Variants in HBP1 observed in about 807,000 individuals in gnomAD.
HBP1 encodes the protein HMG box-containing protein 1.
In HBP1, 20 loss-of-function variants were observed where a neutral mutation model predicts 62.6. That is an observed-to-expected ratio of 0.32 (90% CI 0.22 to 0.46). HBP1 has a LOEUF of 0.46. Ranked by LOEUF, HBP1 falls within the 20% of genes least tolerant of loss-of-function variation. HBP1 has a pLI of 1.00. For synonymous variants in HBP1, 232 were observed against 206.2 expected (o/e 1.12, Z -1.07); for missense variants, 480 against 611.8 (o/e 0.78, Z 2.27).
Position 107,202,423 on chromosome 7 carries a change from T to C in HBP1, c.*992T>C, listed in dbSNP as rs913312889. ...CTGGTTAGGAATCACAGCTGTAAAA[T>C]TGATTTCAGTTCATCACACTTCTTC... On this transcript the variant is annotated 3_prime_UTR_variant, in exon 11 of 11. Coordinates refer to ENST00000222574, the MANE Select transcript of HBP1 (RefSeq NM_012257.4). 3.3e-5 allele frequency: 5 copies of C among 152,650 alleles called. No homozygotes were observed. The highest frequency in any genetic ancestry group is 2.1e-4 in the South Asian group (1 of 4,832). 9.5% of individuals were successfully genotyped at this position (152,650 alleles called of 1,614,324 possible).
At chr7:107,199,035 A>C (rs1479393887) in intron 9 of HBP1, among the ~76,000 whole-genome samples, 3 of 152,136 alleles carry the variant, frequency 2.0e-5, no homozygotes, top group Non-Finnish European at 4.4e-5. Context: ...CCCAAGACTA[A>C]AAGTTTTTTT....
At chr7:107,170,143 T>G in intron 1 of HBP1, 2 of 984,966 alleles carry the variant, frequency 2.0e-6, no homozygotes, top group Non-Finnish European at 2.4e-6. Context: ...AATACTCAAG[T>G]TTTCTGTTTG....
intron 10 of HBP1, 78 bp downstream of exon 10, chr7:107,200,379 C>T: frequency 8.0e-7 from 1 of 1,244,294 alleles, no homozygotes; most frequent in Non-Finnish European, 1.1e-6. Context: ...GCAGTTGTTA[C>T]AACCTTTAAG....
At chr7:107,187,839 T>C (rs1461549582) in intron 6 of HBP1, among the ~76,000 whole-genome samples, 2 of 152,228 alleles carry the variant, frequency 1.3e-5, no homozygotes, top group African/African-American at 4.8e-5. Context: ...AGCATCCTGA[T>C]TCTCAGTCTT....
chr7:107,180,856 T>C (rs1797071057), intron 2 of HBP1, among the ~76,000 whole-genome samples: 1 of 152,176 alleles, frequency 6.6e-6, no homozygotes, highest in African/African-American at 2.4e-5. Flanking sequence ...GGAGTGCCAT[T>C]TTAATCAGGT....
chr7:107,189,473 T>C lies in HBP1; in HGVS notation c.922+25T>C, dbSNP rs750654607. 1.9e-5 allele frequency: 29 copies of C among 1,549,538 alleles called. No individual in the cohort carries two copies. The South Asian group carries it at 3.3e-4, about 18-fold the overall frequency. On this transcript the variant is annotated intron_variant, in intron 7 of 10. Coordinates refer to ENST00000222574, the MANE Select transcript of HBP1 (RefSeq NM_012257.4). ...GGTAGGGCTTGAATTGCATTTGTAG[T>C]AACTTTTTTTAAACAAAGCTTCTTA...
rs1796414222 is a variant in HBP1 at position 107,169,080 on chromosome 7, C to G, written c.-121C>G. On this transcript the variant is annotated 5_prime_UTR_variant, in exon 1 of 11. Coordinates refer to ENST00000222574, the MANE Select transcript of HBP1 (RefSeq NM_012257.4). Reference sequence around the variant, plus strand: ...TAAGAGCTGCCGCGGGAGCAGTAACCCGCGCGGGGGAGGCCGACGTCGGTC... The same window carrying G: ...TAAGAGCTGCCGCGGGAGCAGTAACGCGCGCGGGGGAGGCCGACGTCGGTC... The G allele has an allele frequency of 4.7e-6, 6 of 1,286,892 alleles. No individual in the cohort carries two copies. The highest frequency in any genetic ancestry group is 1.5e-5 in the African/African-American group (1 of 65,768). The allele number at this position is 1,286,892 out of a possible 1,614,324, so 79.7% of individuals were successfully genotyped here. A position where few individuals can be genotyped will look rare whatever the true frequency, so the allele number is the denominator to read the frequency against.
intron 8 of HBP1, among the ~76,000 whole-genome samples, chr7:107,191,757 T>C (rs1233810922): frequency 6.6e-6 from 1 of 152,198 alleles, no homozygotes; most frequent in Non-Finnish European, 1.5e-5. Flanking sequence ...GAGTCTATTT[T>C]ATGGAATCAT....
chr7:107,191,787 A>G (rs1175558379), intron 8 of HBP1, among the ~76,000 whole-genome samples: 1 of 152,222 alleles, frequency 6.6e-6, no homozygotes, highest in Non-Finnish European at 1.5e-5. Context: ...AAATAAATAA[A>G]ATAACCCTTA....
intron 4 of HBP1, among the ~76,000 whole-genome samples, chr7:107,186,147 C>CTTTTTTTT (rs961142033): frequency 3.0e-5 from 4 of 135,146 alleles, no homozygotes; most frequent in African/African-American, 1.1e-4. Flanking sequence ...TTGTGTGTGT[C>CTTTTTTTT]TTTTTTTTCT....
chr7:107,172,102 A>G (rs920047853), intron 1 of HBP1, among the ~76,000 whole-genome samples: 1 of 151,950 alleles, frequency 6.6e-6, no homozygotes, highest in Non-Finnish European at 1.5e-5. Flanking sequence ...GGTGCTTCAT[A>G]ATTTCTACTA....
chr7:107,195,529 G>A (rs1395632365), intron 8 of HBP1, among the ~76,000 whole-genome samples: 1 of 152,188 alleles, frequency 6.6e-6, no homozygotes, highest in Non-Finnish European at 1.5e-5. Context: ...ATTTGGAGGA[G>A]TTACTTGCTA....
chr7:107,195,556 A>C (rs1797857105), intron 8 of HBP1, among the ~76,000 whole-genome samples: 3 of 152,190 alleles, frequency 2.0e-5, no homozygotes, highest in African/African-American at 7.2e-5. Context: ...AAGTATGCTG[A>C]TTATAACATT....
intron 6 of HBP1, among the ~76,000 whole-genome samples, chr7:107,188,602 G>A (rs1436188532): frequency 6.6e-6 from 1 of 152,152 alleles, no homozygotes; most frequent in Non-Finnish European, 1.5e-5. Flanking sequence ...TGTGGCATGT[G>A]TTAAATGCTC....
intron 2 of HBP1, among the ~76,000 whole-genome samples, 163 bp from the exon 3 acceptor site, chr7:107,182,210 C>G (rs1221815925): frequency 6.6e-6 from 1 of 152,136 alleles, no homozygotes; most frequent in African/African-American, 2.4e-5. Context: ...AAACACAAAC[C>G]AAACCATGTT....
chr7:107,190,352 C>T (rs1226331958), intron 8 of HBP1, 35 bp downstream of exon 8: 3 of 1,503,166 alleles, frequency 2.0e-6, no homozygotes, highest in Admixed American at 3.6e-5. Context: ...TTATTTTCCT[C>T]TTAAAGTTTG....
intron 2 of HBP1, among the ~76,000 whole-genome samples, chr7:107,180,883 T>G (rs1274382859): frequency 6.6e-6 from 1 of 152,086 alleles, no homozygotes; most frequent in Non-Finnish European, 1.5e-5. Context: ...TCTTCCTCAG[T>G]TTTTGGTTTA....
At chr7:107,196,356 C>T (rs1157679663) in intron 9 of HBP1, 1 of 576,928 alleles carries the variant, frequency 1.7e-6, no homozygotes, top group Non-Finnish European at 3.2e-6. Flanking sequence ...GCAACCTCCG[C>T]CTTCCAGGTT....
In HBP1 at chr7:107,189,303, T is replaced by C; in HGVS notation, c.777T>C (p.Ser259=). 1 of 1,612,584 alleles carries C rather than the reference T, an allele frequency of 6.2e-7. No homozygotes were observed. The highest frequency in any genetic ancestry group is 2.2e-5 in the East Asian group (1 of 44,814). The change falls in exon 7 of 11, where the codon TCT becomes TCC. Residue 259 remains serine (S), a synonymous_variant. Coordinates refer to ENST00000222574, the MANE Select transcript of HBP1 (RefSeq NM_012257.4). Reference sequence around the variant, plus strand: ...GCATATATTTTCAGGGCTATGGTTCTGATGGTCTAAAGTTGTTATCACATG... The same window carrying C: ...GCATATATTTTCAGGGCTATGGTTCCGATGGTCTAAAGTTGTTATCACATG... ...LQMGIHKGYG[S]DGLKLLSHEE... is the part of the protein sequence containing the mutation.
Sources: allele counts gnomAD v4.1 joint callset (sites outside exome capture counted in the v4.1 genomes callset), GRCh38; gene constraint gnomAD v4.1.1; transcripts MANE v1.5; gene names NCBI Gene and HGNC (gene_info 2026-07-23, HGNC 2026-07-21).